DPP4: variants seen among roughly 807,000 people sequenced by gnomAD.
DPP4 encodes the protein ADCP-2.
A neutral mutation model predicts 122.4 loss-of-function variants in DPP4; 93 were observed. The ratio of observed to expected loss-of-function variants is 0.76; its 90% CI spans 0.64 to 0.90. DPP4 has a LOEUF of 0.90. Ranked by LOEUF, DPP4 falls within the 40% of genes least tolerant of loss-of-function variation. DPP4 has a pLI of 0.00. For missense variants in DPP4, 914 were observed against 907.3 expected (o/e 1.01, Z -0.09); for synonymous variants, 321 against 302.9 (o/e 1.06, Z -0.62).
rs201004732 is a variant in DPP4 at position 162,047,477 on chromosome 2, C to T, written c.119G>A (p.Arg40His). The change falls in exon 3 of 26, where the codon CGC (arginine) becomes CAC (histidine). Residue 40 changes from arginine (R) to histidine (H), a missense_variant. By Grantham distance (29) the Arg-to-His change is conservative. Coordinates refer to ENST00000360534, the MANE Select transcript of DPP4 (RefSeq NM_001935.4). The stretch of plus-strand genomic sequence containing the variant: ...GTAATCAGTTAGAGTGTAAGTTTTG[C>T]GACTGTCAGCTGTAGCATCATCTGC... ...KGTDDATADS[R>H]KTYTLTDYLK... 196 of 1,575,798 alleles carry T rather than the reference C, an allele frequency of 1.2e-4. No homozygotes were observed. Among genetic ancestry groups the T allele is most frequent in the Non-Finnish European group, 1.4e-4 (161 of 1,154,778 alleles).
intron 5 of DPP4, 133 bp from the exon 6 acceptor site, chr2:162,039,317 C>T: frequency 6.2e-6 from 5 of 811,704 alleles, no homozygotes; most frequent in Non-Finnish European, 9.6e-6. Context: ...CTTATAATTT[C>T]CTCCGAGAAT....
rs1683726635 is a variant in DPP4 at position 162,035,201 on chromosome 2, A to G, written c.737T>C (p.Leu246Pro). The change falls in exon 9 of 26, where the codon CTG (leucine) becomes CCG (proline). Residue 246 changes from leucine (L) to proline (P), a missense_variant. Coordinates refer to ENST00000360534, the MANE Select transcript of DPP4 (RefSeq NM_001935.4). ...IEYSFYSDES[L>P]QYPKTVRVPY... ...AACCCGTACAGTCTTTGGGTACTGCAGTGACTCATCAGAGTAGAAGGAGTA... is the reference window on the plus strand; with the variant it reads ...AACCCGTACAGTCTTTGGGTACTGCGGTGACTCATCAGAGTAGAAGGAGTA... The G allele has an allele frequency of 1.2e-6, 2 of 1,613,922 alleles. No homozygotes were observed. The highest frequency in any genetic ancestry group is 1.7e-6 in the Non-Finnish European group (2 of 1,179,948).
chr2:162,029,158 C>G (rs931661981), intron 10 of DPP4, among the ~76,000 whole-genome samples: 2 of 152,208 alleles, frequency 1.3e-5, no homozygotes, highest in African/African-American at 4.8e-5. Context: ...AAAGTGACCA[C>G]CTGTCCCAGC....
chr2:162,045,299 C>A (rs1488171106), intron 5 of DPP4, among the ~76,000 whole-genome samples: 1 of 151,994 alleles, frequency 6.6e-6, no homozygotes, highest in Non-Finnish European at 1.5e-5. Flanking sequence ...TATATTAGAA[C>A]AATATAATAT....
chr2:161,994,425 A>G (rs942536450), intron 25 of DPP4, among the ~76,000 whole-genome samples: 4 of 152,226 alleles, frequency 2.6e-5, no homozygotes, highest in Admixed American at 6.5e-5. Flanking sequence ...TGCATAGACA[A>G]CAACAGCTCT....
chr2:162,011,665 G>T (rs947891715), intron 20 of DPP4, 128 bp downstream of exon 20: 2 of 884,958 alleles, frequency 2.3e-6, no homozygotes, highest in East Asian at 5.3e-5. Context: ...AAAACCTACC[G>T]TAAGGATAAA....
intron 10 of DPP4, among the ~76,000 whole-genome samples, chr2:162,029,569 T>C (rs987885168): frequency 1.3e-5 from 2 of 152,232 alleles, no homozygotes; most frequent in East Asian, 3.8e-4. Context: ...TGTCACTAGC[T>C]TCCAGTTTAT....
At chr2:162,004,473 A>G (rs1205916426) in intron 23 of DPP4, among the ~76,000 whole-genome samples, 1 of 152,126 alleles carries the variant, frequency 6.6e-6, no homozygotes, top group Non-Finnish European at 1.5e-5. Flanking sequence ...GCAGGGGTAG[A>G]TGATTTGTGC....
chr2:162,069,441 C>G (rs1685046069), intron 2 of DPP4, among the ~76,000 whole-genome samples: 1 of 152,158 alleles, frequency 6.6e-6, no homozygotes, highest in Non-Finnish European at 1.5e-5. Flanking sequence ...CTTTCTCTGA[C>G]CATCAACTGA....
At chr2:162,021,169 T>C (rs1341956113) in intron 12 of DPP4, among the ~76,000 whole-genome samples, 1 of 152,210 alleles carries the variant, frequency 6.6e-6, no homozygotes, top group Admixed American at 6.5e-5. Context: ...CATATTTCTT[T>C]TTGAAACTCA....
chr2:162,033,665 T>C lies in DPP4; in HGVS notation c.775-12A>G, dbSNP rs1558957. 0.63 allele frequency: 995,024 copies of C among 1,579,598 alleles called. 322,104 individuals are homozygous for C. The highest frequency in any genetic ancestry group is 0.99 in the East Asian group (43,812 of 44,206). The stretch of plus-strand genomic sequence containing the variant: ...TTCACAGCTCCTGCCTAGGAAAAAA[T>C]AATCACAGAATTGGTATTGACAAAA... On this transcript the variant is annotated splice_polypyrimidine_tract_variant and intron_variant, in intron 9 of 25. Coordinates refer to ENST00000360534, the MANE Select transcript of DPP4 (RefSeq NM_001935.4).
At chr2:162,030,839 T>C (rs1559715149) in intron 10 of DPP4, among the ~76,000 whole-genome samples, 1 of 152,218 alleles carries the variant, frequency 6.6e-6, no homozygotes, top group Non-Finnish European at 1.5e-5. Context: ...TTTGGTAATA[T>C]ACATTCCACA....
At chr2:162,030,256 C>T (rs1683496192) in intron 10 of DPP4, among the ~76,000 whole-genome samples, 1 of 152,200 alleles carries the variant, frequency 6.6e-6, no homozygotes, top group African/African-American at 2.4e-5. Flanking sequence ...AGCACTAAAT[C>T]AATGCAGGCA....
At chr2:162,032,072 T>C (rs1313657299) in intron 10 of DPP4, 1 of 152,204 alleles carries the variant, frequency 6.6e-6, no homozygotes, top group African/African-American at 2.4e-5. Context: ...ATGTACTTAA[T>C]GCAACTCCAG....
At chr2:162,027,298 C>T (rs868653630) in intron 10 of DPP4, among the ~76,000 whole-genome samples, 67 of 151,572 alleles carry the variant, frequency 4.4e-4, no homozygotes, top group African/African-American at 1.6e-3. Flanking sequence ...TTGTGATGAG[C>T]CAAGATCAAG....
chr2:162,050,651 G>A (rs1326283412), intron 2 of DPP4, among the ~76,000 whole-genome samples: 1 of 152,206 alleles, frequency 6.6e-6, no homozygotes, highest in Non-Finnish European at 1.5e-5. Context: ...GGCTAAATTG[G>A]AGCAAGCAGA....
chr2:162,016,913 TG>T, intron 17 of DPP4, 47 bp from the exon 18 acceptor site: 1 of 1,558,634 alleles, frequency 6.4e-7, no homozygotes, highest in Non-Finnish European at 8.8e-7. Flanking sequence ...ATGTGAAAAA[TG>T]TGGATTATGT....
intron 23 of DPP4, among the ~76,000 whole-genome samples, chr2:161,999,830 G>A (rs1701099813): frequency 6.6e-6 from 1 of 152,172 alleles, no homozygotes; most frequent in Non-Finnish European, 1.5e-5. Flanking sequence ...GGTGGCAGCT[G>A]CCATGTTTTG....
chr2:161,994,509 A>G (rs975768496), intron 25 of DPP4, among the ~76,000 whole-genome samples: 1 of 152,218 alleles, frequency 6.6e-6, no homozygotes, highest in African/African-American at 2.4e-5. Flanking sequence ...TCACCTTGTA[A>G]TTGCAAAAAC....
Sources: allele counts gnomAD v4.1 joint callset (sites outside exome capture counted in the v4.1 genomes callset), GRCh38; gene constraint gnomAD v4.1.1; transcripts MANE v1.5; gene names NCBI Gene and HGNC (gene_info 2026-07-23, HGNC 2026-07-21).